Variants in ARMC9 observed in about 807,000 individuals in gnomAD.
ARMC9 encodes lisH domain-containing protein ARMC9.
In ARMC9, 94 loss-of-function variants were observed where a neutral mutation model predicts 107.0. The ratio of observed to expected loss-of-function variants is 0.88; its 90% CI spans 0.74 to 1.04. ARMC9 has a LOEUF of 1.04. Ranked by LOEUF, ARMC9 falls within the 50% of genes least tolerant of loss-of-function variation. The pLI is 0.00. For synonymous variants in ARMC9, 380 were observed against 396.9 expected, an observed-to-expected ratio of 0.96 and a Z score of 0.51; for missense variants, 942 against 1,030.1, an observed-to-expected ratio of 0.91 and a Z score of 1.17.
chr2:231,281,724 A>G (rs1250859969), intron 16 of ARMC9, among the ~76,000 whole-genome samples: 3 of 152,158 alleles, frequency 2.0e-5, no homozygotes, highest in African/African-American at 7.2e-5. Context: ...TGGAGACTGA[A>G]CAACAACAAC....
intron 3 of ARMC9, among the ~76,000 whole-genome samples, chr2:231,209,058 C>T (rs182349813): frequency 1.1e-3 from 173 of 152,054 alleles, no homozygotes; most frequent in Middle Eastern, 0.01. Flanking sequence ...CGTGCTACTG[C>T]GTCTGGCTAA....
Position 231,216,698 on chromosome 2 carries a change from G to A in ARMC9, c.409G>A (p.Ala137Thr). 4 of 1,613,884 alleles carry A rather than the reference G, an allele frequency of 2.5e-6. No homozygotes were observed. Among genetic ancestry groups the A allele is most frequent in the Non-Finnish European group, 8.5e-7 (1 of 1,179,830 alleles). ...CAAAACCTACCTGGAGACCAAAGGGGCAGCCTTGAGCCAGACCACAGAGTT... is the reference window on the plus strand; with the variant it reads ...CAAAACCTACCTGGAGACCAAAGGGACAGCCTTGAGCCAGACCACAGAGTT... ...YFKTYLETKGAALSQTTEFLP... is the reference protein window; with the variant it reads ...YFKTYLETKGTALSQTTEFLP... Residue 137 changes from alanine to threonine, a missense_variant, in exon 5 of 25, where the codon GCA becomes ACA. Physicochemically the swap from Ala to Thr is moderately conservative, Grantham distance 58 (BLOSUM62 0). Coordinates refer to ENST00000611582, the MANE Select transcript of ARMC9 (RefSeq NM_001352754.2).
intron 20 of ARMC9, among the ~76,000 whole-genome samples, chr2:231,332,629 T>A (rs2043817718): frequency 6.6e-6 from 1 of 151,926 alleles, no homozygotes; most frequent in Non-Finnish European, 1.5e-5. Flanking sequence ...GGGCAGGATG[T>A]GAGTCAGGAG....
intron 19 of ARMC9, among the ~76,000 whole-genome samples, chr2:231,300,858 G>C (rs1170452471): frequency 1.3e-5 from 2 of 152,204 alleles, no homozygotes; most frequent in African/African-American, 2.4e-5. Flanking sequence ...AATACTGGGA[G>C]ATGGCTGGCG....
intron 24 of ARMC9, among the ~76,000 whole-genome samples, 136 bp from the exon 25 acceptor site, chr2:231,371,359 CCCGCCAGTCGAGCCCAGG>C (rs745958203): frequency 5.1e-4 from 78 of 152,222 alleles, no homozygotes; most frequent in Non-Finnish European, 8.5e-4. Flanking sequence ...AAAGAGCCGG[CCCGCCAGTCGAGCCCAGG>C]CCACAGAACA....
chr2:231,316,549 T>A (rs1426024941), intron 19 of ARMC9, among the ~76,000 whole-genome samples: 1 of 150,828 alleles, frequency 6.6e-6, no homozygotes, highest in Non-Finnish European at 1.5e-5. Context: ...CTTGGGAGGC[T>A]GAGGTGGGAG....
chr2:231,353,111 C>A (rs2045175809), intron 21 of ARMC9, among the ~76,000 whole-genome samples: 1 of 131,752 alleles, frequency 7.6e-6, no homozygotes, highest in South Asian at 2.1e-4. Context: ...TCTGTACTTT[C>A]TTTTCCCCTT....
chr2:231,237,016 A>G (rs1396038016), intron 8 of ARMC9, among the ~76,000 whole-genome samples: 1 of 152,234 alleles, frequency 6.6e-6, no homozygotes, highest in Non-Finnish European at 1.5e-5. Context: ...TTCTAATGTA[A>G]AAGAACCGCG....
At chr2:231,316,162 G>A (rs1025108846) in intron 19 of ARMC9, among the ~76,000 whole-genome samples, 18 of 34,096 alleles carry the variant, frequency 5.3e-4, no homozygotes, top group East Asian at 3.0e-3. Flanking sequence ...GTGTATGTAT[G>A]TGTGTGTGTG....
At chr2:231,312,028 G>A (rs2042381598) in intron 19 of ARMC9, among the ~76,000 whole-genome samples, 1 of 152,060 alleles carries the variant, frequency 6.6e-6, no homozygotes, top group South Asian at 2.1e-4. Context: ...TTTGATCAAT[G>A]TTATGTTTGC....
At chr2:231,289,732 A>G (rs558401068) in intron 17 of ARMC9, among the ~76,000 whole-genome samples, 19 of 152,280 alleles carry the variant, frequency 1.2e-4, no homozygotes, top group African/African-American at 4.6e-4. Context: ...CCCTCAACTC[A>G]TGGACAACTT....
chr2:231,292,876 G>A (rs1004853278), intron 18 of ARMC9, among the ~76,000 whole-genome samples: 2 of 152,198 alleles, frequency 1.3e-5, no homozygotes, highest in African/African-American at 2.4e-5. Context: ...GGCTGTACAG[G>A]GCGGTCACCT....
chr2:231,285,976 C>A (rs1290070500), intron 17 of ARMC9, among the ~76,000 whole-genome samples: 1 of 151,382 alleles, frequency 6.6e-6, no homozygotes, highest in Non-Finnish European at 1.5e-5. Flanking sequence ...GAAAGGGAGG[C>A]TAGAAATGCT....
chr2:231,310,227 C>G (rs2042260309), intron 19 of ARMC9, among the ~76,000 whole-genome samples: 1 of 150,932 alleles, frequency 6.6e-6, no homozygotes, highest in Non-Finnish European at 1.5e-5. Context: ...CCAGCCTGAC[C>G]AACATGGAGA....
chr2:231,249,846 G>T (rs1000485184), intron 9 of ARMC9, among the ~76,000 whole-genome samples: 1 of 124,986 alleles, frequency 8.0e-6, no homozygotes, highest in Non-Finnish European at 1.7e-5. Context: ...CCGCCCACCC[G>T]TGCACACCTC....
chr2:231,220,419 A>G (rs2033994094), intron 5 of ARMC9, among the ~76,000 whole-genome samples: 1 of 152,010 alleles, frequency 6.6e-6, no homozygotes, highest in Non-Finnish European at 1.5e-5. Flanking sequence ...CAACATGGTG[A>G]AACCCTGTCT....
At chr2:231,296,330 C>A in intron 19 of ARMC9, 77 bp downstream of exon 19, 1 of 1,256,498 alleles carries the variant, frequency 8.0e-7, no homozygotes, top group Non-Finnish European at 1.1e-6. Flanking sequence ...ACAAGTTAGT[C>A]CAGAAATGGA....
chr2:231,329,000 G>A (rs2043539664), intron 19 of ARMC9, among the ~76,000 whole-genome samples: 1 of 151,374 alleles, frequency 6.6e-6, no homozygotes. Context: ...GTATTTTTTA[G>A]TAGAGACAGG....
In ARMC9 at chr2:231,353,131, G is replaced by A. The variant is rs910457519; in HGVS notation, c.1995-2667G>A. On this transcript the variant is annotated intron_variant, in intron 21 of 24. Coordinates refer to ENST00000611582, the MANE Select transcript of ARMC9 (RefSeq NM_001352754.2). ...ACTTTCTTTTCCCCTTTTGGGCTTT[G>A]ACTGTTGCTTGAGATGCTATGCTTG... is the stretch of plus-strand genomic sequence containing the variant. Among the ~76,000 whole-genome samples the A allele has an allele frequency of 1.5e-5, 2 of 131,542 alleles. 1 individual carries two copies. The highest frequency in any genetic ancestry group is 8.9e-5 in the African/African-American group (2 of 22,500). 86.3% of individuals were successfully genotyped at this position (131,542 alleles called of 152,430 possible).
Sources: allele counts gnomAD v4.1 joint callset (sites outside exome capture counted in the v4.1 genomes callset), GRCh38; gene constraint gnomAD v4.1.1; transcripts MANE v1.5; gene names NCBI Gene and HGNC (gene_info 2026-07-23, HGNC 2026-07-21).